Variants in PDZRN4 observed in about 807,000 individuals in gnomAD.
The protein encoded by PDZRN4 is PDZ domain-containing RING finger protein 4.
A neutral mutation model predicts 99.0 loss-of-function variants in PDZRN4; 70 were observed. The ratio of observed to expected loss-of-function variants is 0.71; its 90% CI spans 0.58 to 0.86. The LOEUF is 0.86. Ranked by LOEUF, PDZRN4 falls within the 40% of genes least tolerant of loss-of-function variation. The pLI, the probability that PDZRN4 is intolerant of heterozygous loss-of-function variation, is 0.00. For missense variants in PDZRN4, 1,474 were observed against 1,331.2 expected (o/e 1.11, Z -1.67); for synonymous variants, 551 against 501.6 (o/e 1.10, Z -1.32).
intron 3 of PDZRN4, among the ~76,000 whole-genome samples, chr12:41,464,039 GA>G (rs1265730003): frequency 6.6e-6 from 1 of 152,114 alleles, no homozygotes; most frequent in Non-Finnish European, 1.5e-5. Flanking sequence ...AGTCTATTGC[GA>G]AGGTTGGATT....
At chr12:41,189,830 G>A (rs1024194270) in intron 1 of PDZRN4, among the ~76,000 whole-genome samples, 2 of 152,246 alleles carry the variant, frequency 1.3e-5, no homozygotes, top group East Asian at 1.9e-4. Context: ...AGTCCAGTCC[G>A]AGAACCTCCA....
chr12:41,460,031 G>C (rs1245109164), intron 3 of PDZRN4: 1 of 1,288,190 alleles, frequency 7.8e-7, no homozygotes. Context: ...GTATGTGTGG[G>C]ATCTTAGTTC....
At position 41,189,091 on chromosome 12, in the gene PDZRN4, C is replaced by A. The variant is rs777338155; in HGVS notation, c.636C>A (p.Gly212=). The A allele has an allele frequency of 2.2e-5, 35 of 1,580,916 alleles. No homozygotes were observed. The highest frequency in any genetic ancestry group is 2.9e-5 in the Non-Finnish European group (34 of 1,171,712). Residue 212 remains glycine, a synonymous_variant, in exon 1 of 10, where the codon GGC becomes GGA. Transcript: ENST00000402685. ...HVRNFVGDLG[G]GHRRDGEHKP... ...GCAACTTCGTCGGCGACCTCGGTGG[C>A]GGCCACCGCAGGGTAAGCAAAGGGG...
At chr12:41,225,321 G>T (rs1950985797) in intron 3 of PDZRN4, among the ~76,000 whole-genome samples, 1 of 151,904 alleles carries the variant, frequency 6.6e-6, no homozygotes, top group Non-Finnish European at 1.5e-5. Flanking sequence ...CTGGGTGGTT[G>T]CATCTGATGT....
At position 41,431,079 on chromosome 12, in the gene PDZRN4, G is replaced by A. The variant is rs572524648; in HGVS notation, c.844-75377G>A. 6.2e-4 allele frequency among the ~76,000 whole-genome samples: 94 copies of A among 152,206 alleles called. No homozygotes were observed. In the Middle Eastern group the frequency reaches 0.017, roughly 28 times the overall value. On this transcript the variant is annotated intron_variant, in intron 3 of 9. Transcript: ENST00000402685. ...TGGTAAACCATGATCTAATCACCTC[G>A]CACTAGGCCCCACCTCCAACACTGG...
intron 3 of PDZRN4, among the ~76,000 whole-genome samples, chr12:41,440,631 A>G (rs1455856065): frequency 1.3e-5 from 2 of 152,152 alleles, no homozygotes; most frequent in African/African-American, 2.4e-5. Flanking sequence ...TGTCACCTCA[A>G]GAAAATTATT....
intron 3 of PDZRN4, among the ~76,000 whole-genome samples, chr12:41,377,270 G>A (rs1298722669): frequency 1.3e-5 from 2 of 152,086 alleles, no homozygotes; most frequent in Non-Finnish European, 2.9e-5. Flanking sequence ...AATCTCATTA[G>A]GATTTTGATA....
chr12:41,410,691 T>C (rs932049527), intron 3 of PDZRN4, among the ~76,000 whole-genome samples: 1 of 152,212 alleles, frequency 6.6e-6, no homozygotes, highest in Non-Finnish European at 1.5e-5. Context: ...TCTGGCTTAA[T>C]GGCTCTAACT....
At chr12:41,552,884 C>T (rs367890800) in intron 6 of PDZRN4, 130 bp downstream of exon 6, 35 of 620,350 alleles carry the variant, frequency 5.6e-5, no homozygotes, top group African/African-American at 4.4e-4. Flanking sequence ...TGTTCCAAAA[C>T]GTGTCACCTT....
chr12:41,290,109 A>T (rs561673910), intron 3 of PDZRN4, among the ~76,000 whole-genome samples: 4 of 152,286 alleles, frequency 2.6e-5, no homozygotes, highest in Non-Finnish European at 5.9e-5. Flanking sequence ...GATTTATTTG[A>T]TGCTTGAGAT....
intron 3 of PDZRN4, among the ~76,000 whole-genome samples, chr12:41,390,669 T>A (rs1952204046): frequency 6.6e-6 from 1 of 151,874 alleles, no homozygotes; most frequent in South Asian, 2.1e-4. Flanking sequence ...TATTATCCCA[T>A]CAATATTCAA....
At chr12:41,397,048 T>C (rs1952251326) in intron 3 of PDZRN4, among the ~76,000 whole-genome samples, 1 of 152,192 alleles carries the variant, frequency 6.6e-6, no homozygotes, top group East Asian at 1.9e-4. Flanking sequence ...TTAGTTGTTA[T>C]TCTCTTGCCC....
intron 3 of PDZRN4, among the ~76,000 whole-genome samples, chr12:41,355,507 TGTTAA>T (rs950660534): frequency 7.9e-5 from 12 of 152,140 alleles, no homozygotes; most frequent in Non-Finnish European, 1.6e-4. Context: ...CTCAAGCAGC[TGTTAA>T]GTTATAATTA....
intron 5 of PDZRN4, among the ~76,000 whole-genome samples, chr12:41,532,006 T>C (rs1938669674): frequency 6.6e-6 from 1 of 152,296 alleles, no homozygotes; most frequent in Non-Finnish European, 1.5e-5. Context: ...AAAATCTTTC[T>C]TTCGCAAAGA....
intron 3 of PDZRN4, among the ~76,000 whole-genome samples, chr12:41,485,035 C>G (rs927121462): frequency 1.3e-5 from 2 of 152,102 alleles, no homozygotes; most frequent in African/African-American, 4.8e-5. Context: ...TCAGCCTCCT[C>G]AGGGAAAAAA....
At chr12:41,190,130 G>T (rs1950726971) in intron 1 of PDZRN4, among the ~76,000 whole-genome samples, 2 of 152,126 alleles carry the variant, frequency 1.3e-5, no homozygotes, top group Admixed American at 1.3e-4. Context: ...CACTCCCGGG[G>T]AGGAGCAACC....
At chr12:41,531,096 A>T (rs1938654237) in intron 5 of PDZRN4, among the ~76,000 whole-genome samples, 1 of 151,858 alleles carries the variant, frequency 6.6e-6, no homozygotes, top group Non-Finnish European at 1.5e-5. Flanking sequence ...GCTCAATTAG[A>T]CCCTCTACTT....
At chr12:41,229,599 G>T (rs193066991) in intron 3 of PDZRN4, among the ~76,000 whole-genome samples, 12 of 152,020 alleles carry the variant, frequency 7.9e-5, no homozygotes, top group Admixed American at 6.6e-4. Flanking sequence ...TGCAGTTCTG[G>T]TATCTGCTTT....
intron 3 of PDZRN4, among the ~76,000 whole-genome samples, chr12:41,326,125 A>G (rs4994591): frequency 0.49 from 73,749 of 150,054 alleles, 19,320 homozygotes; most frequent in East Asian, 0.66. Flanking sequence ...CTGGGACTAT[A>G]AGCATGTGCC....
Sources: allele counts gnomAD v4.1 joint callset (sites outside exome capture counted in the v4.1 genomes callset), GRCh38; gene constraint gnomAD v4.1.1; transcripts MANE v1.5; gene names NCBI Gene and HGNC (gene_info 2026-07-23, HGNC 2026-07-21).